GALNT16: variants seen among roughly 807,000 people sequenced by gnomAD.
GALNT16 encodes polypeptide N-acetylgalactosaminyltransferase 16.
A neutral mutation model predicts 76.1 loss-of-function variants in GALNT16; 40 were observed. The observed-to-expected ratio is 0.53, with a 90% CI of 0.41 to 0.68. GALNT16 has a LOEUF of 0.68. GALNT16 is among the 30% of genes least tolerant of loss of function. The pLI is 0.00. For missense variants in GALNT16, 621 were observed against 731.9 expected, an observed-to-expected ratio of 0.85 and a Z score of 1.75; for synonymous variants, 276 against 285.2, an observed-to-expected ratio of 0.97 and a Z score of 0.32.
chr14:69,296,923 A>G (rs1018288563), intron 1 of GALNT16, among the ~76,000 whole-genome samples: 1 of 152,210 alleles, frequency 6.6e-6, no homozygotes, highest in Non-Finnish European at 1.5e-5. Context: ...TTCACTTAAT[A>G]GTATAGCTTA....
intron 1 of GALNT16, among the ~76,000 whole-genome samples, chr14:69,283,225 G>A (rs894172180): frequency 3.9e-5 from 6 of 152,200 alleles, no homozygotes; most frequent in Non-Finnish European, 7.3e-5. Context: ...ACATTAGTAC[G>A]ATCCACAAAT....
intron 1 of GALNT16, among the ~76,000 whole-genome samples, chr14:69,300,721 G>A (rs1383129989): frequency 1.3e-5 from 2 of 152,124 alleles, no homozygotes; most frequent in Non-Finnish European, 2.9e-5. Flanking sequence ...CTTGGAGTTT[G>A]GTTCTTGGTA....
chr14:69,269,308 G>T (rs1688056631), intron 1 of GALNT16, among the ~76,000 whole-genome samples: 1 of 151,540 alleles, frequency 6.6e-6, no homozygotes. Flanking sequence ...TCTGTGGTAT[G>T]TGTATGTGTA....
chr14:69,380,649 A>T, the GALNT16 span: 2 of 1,551,584 alleles, frequency 1.3e-6, no homozygotes, highest in South Asian at 1.1e-5. Context: ...AACTGAGGAG[A>T]GAAAGGGAAT....
chr14:69,274,949 C>T (rs2044452333), intron 1 of GALNT16, among the ~76,000 whole-genome samples: 1 of 152,188 alleles, frequency 6.6e-6, no homozygotes, highest in Admixed American at 6.5e-5. Flanking sequence ...GCTTCAAAGC[C>T]ATGGACACAC....
In GALNT16 at chr14:69,324,753, A is replaced by C; in HGVS notation, c.397A>C (p.Asn133His). The change falls in exon 3 of 15, where the codon AAT becomes CAT. Residue 133 changes from asparagine to histidine, a missense_variant. Physicochemically the swap from Asn to His is moderately conservative, Grantham distance 68 (BLOSUM62 1). Transcript: ENST00000448469. ...CACCAGCGTCATCATCACCTTCCAC[A>C]ATGAGGCCCGTTCCACCCTGCTGCG... ...PATSVIITFH[N>H]EARSTLLRTV... The C allele has an allele frequency of 6.2e-7, 1 of 1,612,906 alleles. No individual in the cohort carries two copies. The highest frequency in any genetic ancestry group is 1.1e-5 in the South Asian group (1 of 90,978).
At chr14:69,351,209 TAAAA>T (rs1429348518) in intron 14 of GALNT16, 1 of 152,084 alleles carries the variant, frequency 6.6e-6, no homozygotes, top group African/African-American at 2.4e-5. Flanking sequence ...TTTACAGAAA[TAAAA>T]GATTTACCTA....
Position 69,294,289 on chromosome 14 carries a change from G to A in GALNT16, c.178-26422G>A, listed in dbSNP as rs8009766. Among the ~76,000 whole-genome samples the A allele has an allele frequency of 5.6e-3, 845 of 152,030 alleles. 9 individuals carry two copies. Among genetic ancestry groups the A allele is most frequent in the African/African-American group, 0.019 (791 of 41,482 alleles). ...GGTGCGTGCCACTGCGCCTGGCTAAGTTTTGTATTTTTAGTAGAGATGGGG... is the reference window on the plus strand; with the variant it reads ...GGTGCGTGCCACTGCGCCTGGCTAAATTTTGTATTTTTAGTAGAGATGGGG... On this transcript the variant is annotated intron_variant, in intron 1 of 14. Coordinates refer to ENST00000448469, the MANE Select transcript of GALNT16 (RefSeq NM_001168368.2).
chr14:69,265,157 G>T (rs1417185281), intron 1 of GALNT16, among the ~76,000 whole-genome samples: 1 of 152,062 alleles, frequency 6.6e-6, no homozygotes, highest in Admixed American at 6.5e-5. Flanking sequence ...CTGTCAATGG[G>T]GTCTGTTCCT....
the GALNT16 span, among the ~76,000 whole-genome samples, chr14:69,369,483 T>C: frequency 6.6e-6 from 1 of 152,188 alleles, no homozygotes; most frequent in Non-Finnish European, 1.5e-5. Flanking sequence ...ACAGAGCTGC[T>C]TTGGATGGGG....
chr14:69,259,908 C>A (rs953716341), upstream of GALNT16: 1 of 183,080 alleles, frequency 5.5e-6, no homozygotes, highest in Non-Finnish European at 1.1e-5. Flanking sequence ...CATTCCGCCG[C>A]GGGCGTCTGT....
In GALNT16 at chr14:69,277,215, A is replaced by T. The variant is rs954170752; in HGVS notation, c.177+16748A>T. On this transcript the variant is annotated intron_variant, in intron 1 of 14. Coordinates refer to ENST00000448469, the MANE Select transcript of GALNT16 (RefSeq NM_001168368.2). ...TCAAAGACAAAAAGCCTTTATTATT[A>T]TATTTTCTCCTTTTTTTATTATTAT... Among the ~76,000 whole-genome samples, 4 of 152,216 alleles carry T rather than the reference A, an allele frequency of 2.6e-5. No homozygotes were observed. In the East Asian group the frequency reaches 7.7e-4, roughly 29 times the overall value.
chr14:69,293,070 C>T (rs1288292510), intron 1 of GALNT16, among the ~76,000 whole-genome samples: 2 of 139,576 alleles, frequency 1.4e-5, no homozygotes, highest in Non-Finnish European at 1.5e-5. Context: ...CTTGCAACCT[C>T]CAAGCAGGTT....
chr14:69,287,094 C>G (rs2044623464), intron 1 of GALNT16, among the ~76,000 whole-genome samples: 1 of 152,160 alleles, frequency 6.6e-6, no homozygotes, highest in African/African-American at 2.4e-5. Flanking sequence ...TTTTCCAGAT[C>G]AAGACCCCAC....
At chr14:69,369,135 G>T in the GALNT16 span, among the ~76,000 whole-genome samples, 1 of 152,290 alleles carries the variant, frequency 6.6e-6, no homozygotes, top group African/African-American at 2.4e-5. Flanking sequence ...AGATCAATTA[G>T]GAAACTATTG....
chr14:69,345,294 G>T (rs770955321), intron 12 of GALNT16, among the ~76,000 whole-genome samples: 37 of 152,198 alleles, frequency 2.4e-4, no homozygotes, highest in Admixed American at 6.5e-4. Context: ...CTAGAGAGTT[G>T]CAATGCCTCC....
intron 10 of GALNT16, 145 bp downstream of exon 10, chr14:69,338,922 C>G (rs2045448669): frequency 1.5e-6 from 1 of 646,466 alleles, no homozygotes; most frequent in African/African-American, 1.8e-5. Context: ...CTGGTAACAT[C>G]CTGGGATTGC....
intron 12 of GALNT16, among the ~76,000 whole-genome samples, chr14:69,345,624 A>G (rs1204723638): frequency 1.3e-5 from 2 of 151,758 alleles, no homozygotes; most frequent in Middle Eastern, 3.2e-3. Context: ...CCAAGAACGA[A>G]CATAACCTGA....
rs115497732 is a variant in GALNT16, at chr14:69,287,595, C to T, written c.177+27128C>T. On this transcript the variant is annotated intron_variant, in intron 1 of 14. Transcript: ENST00000448469. ...TTACACGTCTCTGGATGTTTTGTCT[C>T]CCTGTGAGTAATGCTCCAGGGAATA... Among the ~76,000 whole-genome samples, 775 of 152,272 alleles carry T rather than the reference C, an allele frequency of 5.1e-3. 5 individuals are homozygous for T. The highest frequency in any genetic ancestry group is 0.018 in the African/African-American group (744 of 41,544).
Sources: gnomAD v4.1 joint callset for allele counts (sites outside exome capture counted in the v4.1 genomes callset) on GRCh38, gnomAD v4.1.1 for gene constraint, MANE v1.5 for transcripts, NCBI Gene and HGNC (gene_info 2026-07-23, HGNC 2026-07-21) for gene names.